Variants in PIP5K1B observed in about 807,000 individuals in gnomAD.
PIP5K1B encodes the protein phosphatidylinositol-4-phosphate 5-kinase type 1 beta.
Under a neutral mutation model 67.0 loss-of-function variants are expected in PIP5K1B, and 42 were observed. The ratio of observed to expected loss-of-function variants is 0.63; its 90% CI spans 0.49 to 0.81. The LOEUF is 0.81. Ranked by LOEUF, PIP5K1B falls within the 30% of genes least tolerant of loss-of-function variation. The pLI, the probability that PIP5K1B is intolerant of heterozygous loss-of-function variation, is 0.00. For synonymous variants in PIP5K1B, 214 were observed against 231.4 expected (o/e 0.92, Z 0.68); for missense variants, 459 against 646.3 (o/e 0.71, Z 3.14).
rs187294492 is a variant in PIP5K1B at position 68,988,737 on chromosome 9, C to A, written c.1503-2403C>A. ...AAGTGCTGGGATTATAGGCGTGAGC[C>A]ACCGCGCCCAGCCTCTTTATGACTT... On this transcript the variant is annotated intron_variant, in intron 14 of 15. Transcript: ENST00000265382. Among the ~76,000 whole-genome samples, 112 of 152,128 alleles carry A rather than the reference C, an allele frequency of 7.4e-4. 1 individual carries two copies. Among genetic ancestry groups the A allele is most frequent in the Non-Finnish European group, 6.0e-4 (41 of 67,994 alleles).
chr9:68,789,451 C>G, intron 2 of PIP5K1B: 1 of 501,092 alleles, frequency 2.0e-6, no homozygotes, highest in Non-Finnish European at 4.1e-6. Flanking sequence ...GAGGGGAGAC[C>G]TCCATCTGGA....
chr9:68,951,474 AC>A (rs1828064275), intron 14 of PIP5K1B, among the ~76,000 whole-genome samples: 1 of 152,074 alleles, frequency 6.6e-6, no homozygotes, highest in African/African-American at 2.4e-5. Context: ...AACCACCCTC[AC>A]CTGCTGCTTT....
rs377446511 is a variant in PIP5K1B at position 68,991,184 on chromosome 9, C to A, written c.1547C>A (p.Thr516Asn). The A allele has an allele frequency of 1.2e-6, 2 of 1,611,592 alleles. No homozygotes were observed. The highest frequency in any genetic ancestry group is 2.2e-5 in the South Asian group (2 of 91,028). ...SSSTFTLEEG[T>N]IYLTAEPNTL... ...TCAACATTTACCTTGGAAGAGGGGA[C>A]CATCTACTTGACCGCTGAGCCCAAC... is the stretch of plus-strand genomic sequence containing the variant. The change falls in exon 15 of 16, where the codon ACC becomes AAC. Residue 516 changes from threonine to asparagine, a missense_variant. Thr to Asn is a moderately conservative substitution (Grantham distance 65). Transcript: ENST00000265382.
intron 4 of PIP5K1B, among the ~76,000 whole-genome samples, chr9:68,839,562 CTG>C (rs1821806012): frequency 6.6e-6 from 1 of 152,132 alleles, no homozygotes; most frequent in South Asian, 2.1e-4. Context: ...GATTAATCCT[CTG>C]TGGGAAAAAG....
In PIP5K1B at chr9:68,958,971, G is replaced by A. The variant is rs573591747; in HGVS notation, c.1502+18181G>A. The stretch of plus-strand genomic sequence containing the variant: ...TCAATTTATAATTTTTAGAAAGTTG[G>A]TTCATAGTACTCCCAATATTGACGT... On this transcript the variant is annotated intron_variant, in intron 14 of 15. Coordinates refer to ENST00000265382, the MANE Select transcript of PIP5K1B (RefSeq NM_003558.4). Among the ~76,000 whole-genome samples, 16 of 152,242 alleles carry A rather than the reference G, an allele frequency of 1.1e-4. No individual in the cohort carries two copies. The South Asian group carries it at 2.9e-3, about 28-fold the overall frequency.
At chr9:68,749,516 A>G (rs1016172880) in intron 2 of PIP5K1B, among the ~76,000 whole-genome samples, 3 of 152,186 alleles carry the variant, frequency 2.0e-5, no homozygotes, top group African/African-American at 7.2e-5. Context: ...AAGCCACCAA[A>G]TTTAGTGTAA....
chr9:68,895,628 G>GT (rs11297770), intron 8 of PIP5K1B, among the ~76,000 whole-genome samples: 25 of 145,680 alleles, frequency 1.7e-4, no homozygotes, highest in African/African-American at 5.8e-4. Flanking sequence ...TACTGTTTCT[G>GT]TTTTTTTTTT....
intron 14 of PIP5K1B, among the ~76,000 whole-genome samples, chr9:68,968,823 T>G (rs1254327224): frequency 1.3e-5 from 2 of 152,080 alleles, no homozygotes; most frequent in Admixed American, 6.6e-5. Context: ...CATGAAAGAC[T>G]TTAAGAGTGA....
chr9:68,895,211 T>G (rs1429927893), intron 8 of PIP5K1B, among the ~76,000 whole-genome samples: 1 of 149,756 alleles, frequency 6.7e-6, no homozygotes, highest in East Asian at 2.0e-4. Context: ...CCATGCAAAC[T>G]TAGCTGGAGT....
At chr9:68,753,284 G>A (rs1301660765) in intron 2 of PIP5K1B, among the ~76,000 whole-genome samples, 1 of 149,470 alleles carries the variant, frequency 6.7e-6, no homozygotes, top group Admixed American at 6.7e-5. Flanking sequence ...TTGATATCTA[G>A]TTGTGCAAGC....
At chr9:68,806,153 C>T (rs971763887) in intron 2 of PIP5K1B, among the ~76,000 whole-genome samples, 2 of 152,320 alleles carry the variant, frequency 1.3e-5, no homozygotes, top group South Asian at 2.1e-4. Flanking sequence ...TCAAGTGTCC[C>T]TCCTTGGTTC....
At chr9:68,784,234 T>C (rs1438857795) in intron 2 of PIP5K1B, 2 of 167,136 alleles carry the variant, frequency 1.2e-5, no homozygotes, top group African/African-American at 4.8e-5. Context: ...GTAAGAATTA[T>C]CCTTCAAAAA....
intron 1 of PIP5K1B, among the ~76,000 whole-genome samples, chr9:68,724,823 T>G (rs1166257144): frequency 6.6e-6 from 1 of 152,208 alleles, no homozygotes; most frequent in South Asian, 2.1e-4. Flanking sequence ...CAGATCTTAG[T>G]GGAAAGGCTT....
chr9:68,952,380 A>G (rs976968305), intron 14 of PIP5K1B, among the ~76,000 whole-genome samples: 15 of 152,302 alleles, frequency 9.8e-5, no homozygotes, highest in African/African-American at 3.6e-4. Context: ...CCTGATGTAC[A>G]AATGTTACTT....
chr9:68,723,408 G>A (rs1827987905), intron 1 of PIP5K1B, among the ~76,000 whole-genome samples: 1 of 151,688 alleles, frequency 6.6e-6, no homozygotes. Context: ...TTCTTTTGAG[G>A]AACTTACATC....
At chr9:68,933,675 A>T (rs1564246852) in intron 12 of PIP5K1B, among the ~76,000 whole-genome samples, 1 of 152,140 alleles carries the variant, frequency 6.6e-6, no homozygotes, top group Non-Finnish European at 1.5e-5. Flanking sequence ...ATACATGTGG[A>T]TGGTTTGAGA....
At chr9:68,792,162 G>A (rs1832009628) in intron 2 of PIP5K1B, among the ~76,000 whole-genome samples, 1 of 152,188 alleles carries the variant, frequency 6.6e-6, no homozygotes, top group Non-Finnish European at 1.5e-5. Flanking sequence ...AGTCTGAATT[G>A]TATTTGTATG....
intron 4 of PIP5K1B, among the ~76,000 whole-genome samples, chr9:68,853,426 T>C (rs1822594491): frequency 6.6e-6 from 1 of 152,098 alleles, no homozygotes; most frequent in African/African-American, 2.4e-5. Flanking sequence ...AGGGAGAGGC[T>C]TGGGAGAGGG....
At chr9:68,840,148 G>A (rs938525528) in intron 4 of PIP5K1B, among the ~76,000 whole-genome samples, 5 of 152,112 alleles carry the variant, frequency 3.3e-5, no homozygotes, top group Admixed American at 1.3e-4. Flanking sequence ...AGGCCAAGGC[G>A]GGCAGATCAC....
Sources: gnomAD v4.1 joint callset for allele counts (sites outside exome capture counted in the v4.1 genomes callset) on GRCh38, gnomAD v4.1.1 for gene constraint, MANE v1.5 for transcripts, NCBI Gene and HGNC (gene_info 2026-07-23, HGNC 2026-07-21) for gene names.